The following MEP1A variants were observed in gnomAD, a reference collection of about 807,000 sequenced individuals.
The protein encoded by MEP1A is N-benzoyl-L-tyrosyl-P-amino-benzoic acid hydrolase subunit alpha.
A neutral mutation model predicts 84.5 loss-of-function variants in MEP1A; 68 were observed. That is an observed-to-expected ratio of 0.80 (90% CI 0.66 to 0.98). The LOEUF is 0.98. MEP1A is among the 50% of genes least tolerant of loss of function. The pLI is 0.00. For missense variants in MEP1A, 887 were observed against 919.9 expected (o/e 0.96, Z 0.46); for synonymous variants, 337 against 336.8 (o/e 1.00, Z -0.01).
At chr6:46,828,027 G>A (rs1388502926) in intron 9 of MEP1A, among the ~76,000 whole-genome samples, 1 of 152,196 alleles carries the variant, frequency 6.6e-6, no homozygotes, top group East Asian at 1.9e-4. Flanking sequence ...ACAGGTGGAT[G>A]CGTAGACACA....
Position 46,839,230 on chromosome 6 carries a change from T to C in MEP1A, c.*94T>C, listed in dbSNP as rs576485099. The C allele has an allele frequency of 6.0e-5, 55 of 913,842 alleles. No homozygotes were observed. In the South Asian group the frequency reaches 8.7e-4, roughly 14 times the overall value. 56.6% of individuals were successfully genotyped at this position (913,842 alleles called of 1,614,324 possible). On this transcript the variant is annotated 3_prime_UTR_variant, in exon 14 of 14. Transcript: ENST00000230588. Reference sequence around the variant, plus strand: ...AATGCAGTTTTTATCAGCCTTGCTTTGGATAGGACCTCCAAGGACTAAGGC... The same window carrying C: ...AATGCAGTTTTTATCAGCCTTGCTTCGGATAGGACCTCCAAGGACTAAGGC...
At chr6:46,817,138 C>A (rs1025502523) in intron 6 of MEP1A, among the ~76,000 whole-genome samples, 1 of 152,134 alleles carries the variant, frequency 6.6e-6, no homozygotes, top group Non-Finnish European at 1.5e-5. Flanking sequence ...TTTCAGAAAT[C>A]TGTGAAAAAG....
intron 3 of MEP1A, among the ~76,000 whole-genome samples, chr6:46,795,736 A>G (rs748334326): frequency 2.6e-5 from 4 of 152,042 alleles, no homozygotes; most frequent in Non-Finnish European, 4.4e-5. Context: ...TTTGCTCCCT[A>G]AAGACTATTC....
chr6:46,822,831 C>T (rs949088353), intron 7 of MEP1A, among the ~76,000 whole-genome samples: 2 of 152,192 alleles, frequency 1.3e-5, no homozygotes, highest in African/African-American at 4.8e-5. Context: ...AGGTGTGAAC[C>T]ACCGTGCCCA....
chr6:46,809,732 C>G (rs1767448817), intron 6 of MEP1A, among the ~76,000 whole-genome samples, 195 bp downstream of exon 6: 1 of 151,974 alleles, frequency 6.6e-6, no homozygotes, highest in Non-Finnish European at 1.5e-5. Context: ...ATAATGGTCT[C>G]CAACTCCATC....
intron 9 of MEP1A, among the ~76,000 whole-genome samples, chr6:46,828,681 G>A (rs1480867173): frequency 6.6e-6 from 1 of 152,054 alleles, no homozygotes; most frequent in Non-Finnish European, 1.5e-5. Flanking sequence ...TGTTTTTAGG[G>A]GAAAGAGTTT....
At chr6:46,835,055 TA>T (rs1391947631) in intron 12 of MEP1A, among the ~76,000 whole-genome samples, 193 bp from the exon 13 acceptor site, 1 of 152,148 alleles carries the variant, frequency 6.6e-6, no homozygotes, top group Non-Finnish European at 1.5e-5. Flanking sequence ...ATTCAATAAA[TA>T]AAAATGTGAC....
chr6:46,814,226 C>T (rs907720531), intron 6 of MEP1A, among the ~76,000 whole-genome samples: 1 of 152,068 alleles, frequency 6.6e-6, no homozygotes, highest in African/African-American at 2.4e-5. Context: ...CAAACTTCTT[C>T]GAAGCTTTGT....
At chr6:46,828,277 A>G (rs1233149612) in intron 9 of MEP1A, among the ~76,000 whole-genome samples, 2 of 150,048 alleles carry the variant, frequency 1.3e-5, no homozygotes, top group Non-Finnish European at 2.9e-5. Context: ...ATATATAATT[A>G]TAATTCAGAG....
rs114825458 is a variant in MEP1A, at chr6:46,834,579, G to A, written c.1611G>A (p.Ala537=). 0.017 allele frequency: 27,277 copies of A among 1,601,610 alleles called. 328 individuals are homozygous for A. The highest frequency in any genetic ancestry group is 0.021 in the Non-Finnish European group (24,845 of 1,174,320). The change falls in exon 12 of 14, where the codon GCG becomes GCA. Residue 537 remains alanine, a splice_region_variant and synonymous_variant. Coordinates refer to ENST00000230588, the MANE Select transcript of MEP1A (RefSeq NM_005588.3). ...TTTATGTTACCTACAACTTTGCAGC[G>A]ATAAATGACACTGTCATCTGGGACA... is the stretch of plus-strand genomic sequence containing the variant. The part of the protein sequence containing the change: ...FTTSKSHTSP[A]INDTVIWDRP...
chr6:46,796,905 C>G (rs186504766), intron 3 of MEP1A, among the ~76,000 whole-genome samples: 1 of 152,342 alleles, frequency 6.6e-6, no homozygotes, highest in Admixed American at 6.5e-5. Flanking sequence ...CAAAGTCCCT[C>G]TGTTTAAAAG....
intron 3 of MEP1A, among the ~76,000 whole-genome samples, chr6:46,795,149 C>T (rs1455358391): frequency 6.6e-6 from 1 of 152,176 alleles, no homozygotes; most frequent in Non-Finnish European, 1.5e-5. Flanking sequence ...TCCTCTCAGT[C>T]CTTTTCATTT....
At chr6:46,823,455 T>G (rs1343419587) in intron 7 of MEP1A, among the ~76,000 whole-genome samples, 1 of 152,208 alleles carries the variant, frequency 6.6e-6, no homozygotes, top group East Asian at 1.9e-4. Context: ...CTACTAAAAA[T>G]TAAACAATTA....
At position 46,825,743 on chromosome 6, in the gene MEP1A, C is replaced by A. The variant is rs1212844079; in HGVS notation, c.778+250C>A. Among the ~76,000 whole-genome samples the A allele has an allele frequency of 5.3e-5, 8 of 152,034 alleles. No individual in the cohort carries two copies. The South Asian group carries it at 8.3e-4, about 16-fold the overall frequency. ...AAAACAAACAAAACTATAACAGCAACCTTACAGGATGGTTATAAAAACCAA... is the reference window on the plus strand; with the variant it reads ...AAAACAAACAAAACTATAACAGCAAACTTACAGGATGGTTATAAAAACCAA... On this transcript the variant is annotated intron_variant, in intron 8 of 13. Transcript: ENST00000230588.
chr6:46,810,684 T>G (rs113176618), intron 6 of MEP1A, among the ~76,000 whole-genome samples: 44 of 152,282 alleles, frequency 2.9e-4, no homozygotes, highest in African/African-American at 1.0e-3. Context: ...CTTCTACATG[T>G]GGCTTGCCAA....
At chr6:46,832,933 A>C in intron 10 of MEP1A, 141 bp from the exon 11 acceptor site, 2 of 532,060 alleles carry the variant, frequency 3.8e-6, no homozygotes, top group Admixed American at 5.9e-5. Flanking sequence ...TAACCAGTTT[A>C]TAACAGTACC....
chr6:46,837,490 C>A (rs1336074136), intron 13 of MEP1A, among the ~76,000 whole-genome samples: 1 of 152,210 alleles, frequency 6.6e-6, no homozygotes, highest in Non-Finnish European at 1.5e-5. Context: ...AAGAAGCCCT[C>A]TGGTTCCTTT....
At chr6:46,797,052 A>C (rs938013577) in intron 3 of MEP1A, among the ~76,000 whole-genome samples, 1 of 152,236 alleles carries the variant, frequency 6.6e-6, no homozygotes. Flanking sequence ...GAGGAAGGGA[A>C]TGATACAGGG....
intron 6 of MEP1A, among the ~76,000 whole-genome samples, chr6:46,819,174 G>T (rs1329440720): frequency 6.6e-6 from 1 of 152,114 alleles, no homozygotes; most frequent in Non-Finnish European, 1.5e-5. Context: ...TTAGATAAAG[G>T]CAACAGTGTT....
Sources: gnomAD v4.1 joint callset for allele counts (sites outside exome capture counted in the v4.1 genomes callset) on GRCh38, gnomAD v4.1.1 for gene constraint, MANE v1.5 for transcripts, NCBI Gene and HGNC (gene_info 2026-07-23, HGNC 2026-07-21) for gene names.